Variants in SEC23A observed in about 807,000 individuals in gnomAD.
SEC23A encodes SEC23 homolog A, COPII component, also known as protein transport protein Sec23A.
SEC23A carries 56 observed loss-of-function variants against 103.7 expected under a neutral mutation model. That is an observed-to-expected ratio of 0.54 (90% CI 0.44 to 0.67). The LOEUF is 0.67. Among genes scored for constraint, SEC23A ranks in the 30% least tolerant of loss-of-function variants. The pLI is 0.00. For synonymous variants in SEC23A, 281 were observed against 293.0 expected (o/e 0.96, Z 0.42); for missense variants, 784 against 936.4 (o/e 0.84, Z 2.12).
At chr14:39,079,742 A>T (rs1051091736) in intron 7 of SEC23A, among the ~76,000 whole-genome samples, 1 of 152,104 alleles carries the variant, frequency 6.6e-6, no homozygotes, top group Non-Finnish European at 1.5e-5. Flanking sequence ...GAATTGCTTA[A>T]ACCCAGGAGG....
At chr14:39,070,144 G>A (rs139694961) in intron 9 of SEC23A, among the ~76,000 whole-genome samples, 236 of 152,352 alleles carry the variant, frequency 1.5e-3, no homozygotes, top group African/African-American at 5.3e-3. Context: ...AGAGCCCTGC[G>A]CTAGAAGATA....
intron 1 of SEC23A, among the ~76,000 whole-genome samples, chr14:39,099,076 T>A (rs1887991414): frequency 6.6e-6 from 1 of 151,834 alleles, no homozygotes; most frequent in Admixed American, 6.6e-5. Context: ...AACCTATCAC[T>A]TCATAGAAAA....
chr14:39,074,949 T>C (rs1886964590), intron 8 of SEC23A, among the ~76,000 whole-genome samples: 1 of 151,616 alleles, frequency 6.6e-6, no homozygotes, highest in Admixed American at 6.6e-5. Context: ...CTACTAAAAA[T>C]ATAAAAAATT....
rs905464578 is a variant in SEC23A at position 39,073,603 on chromosome 14, CTTTTTT to C, written c.1103+806_1103+811del. ...GCCACGGTGCCCGGCTCTGATTCCT[CTTTTTT>C]TTTTTTTTTTTTTTTTTTGAGACGG... On this transcript the variant is annotated intron_variant, in intron 9 of 19. Transcript: ENST00000307712. 1.9e-4 allele frequency among the ~76,000 whole-genome samples: 16 copies of C among 83,894 alleles called. 1 individual carries two copies. Among genetic ancestry groups the C allele is most frequent in the Non-Finnish European group, 2.7e-4 (12 of 44,058 alleles). The allele number at this position is 83,894 out of a possible 152,430, so 55.0% of individuals were successfully genotyped here. A position where few individuals can be genotyped will look rare whatever the true frequency, so the allele number is the denominator to read the frequency against.
intron 17 of SEC23A, chr14:39,041,409 CAAAAAAAAA>C (rs56911438): frequency 3.4e-4 from 5 of 14,638 alleles, no homozygotes; most frequent in Non-Finnish European, 6.2e-4. Context: ...AAAGAAAAAG[CAAAAAAAAA>C]AAAAAAAAAA....
At chr14:39,094,422 ATATATATATATATATATATATTTTTTTT>A (rs1435662226) in intron 2 of SEC23A, among the ~76,000 whole-genome samples, 1,342 of 63,496 alleles carry the variant, frequency 0.021, 319 homozygotes, top group African/African-American at 0.14. Flanking sequence ...ATATATATAT[ATATATATATATATATATATATTTTTTTT>A]TTTTTTTTTT....
rs986301123 is a variant in SEC23A, at chr14:39,035,666, T to C, written c.2209-2338A>G. On this transcript the variant is annotated intron_variant, in intron 19 of 19. Transcript: ENST00000307712. ...CTATATTACAAAAACTCTTAACTCCTAGCCACCTCCACAGATTTCCAATAT... is the reference window on the plus strand; with the variant it reads ...CTATATTACAAAAACTCTTAACTCCCAGCCACCTCCACAGATTTCCAATAT... Among the ~76,000 whole-genome samples, 100 of 152,328 alleles carry C rather than the reference T, an allele frequency of 6.6e-4. 1 individual carries two copies. Among genetic ancestry groups the C allele is most frequent in the Non-Finnish European group, 2.2e-4 (15 of 68,024 alleles).
chr14:39,091,751 T>A (rs1262635252), intron 4 of SEC23A, 38 bp from the exon 5 acceptor site: 4 of 1,363,782 alleles, frequency 2.9e-6, no homozygotes, highest in Non-Finnish European at 4.2e-6. Flanking sequence ...AATATGTAGT[T>A]TAAAGCACAG....
At chr14:39,086,434 T>C (rs1299773509) in intron 6 of SEC23A, among the ~76,000 whole-genome samples, 1 of 151,934 alleles carries the variant, frequency 6.6e-6, no homozygotes, top group African/African-American at 2.4e-5. Flanking sequence ...GTCAGGAGAT[T>C]GGGATGGTGA....
chr14:39,033,222 TTAAC>T lies in SEC23A; in HGVS notation c.*13_*16del. On this transcript the variant is annotated 3_prime_UTR_variant, in exon 20 of 20. Transcript: ENST00000307712. ...TATTATTTCATCTTCTTAAGTGTCT[TTAAC>T]ATTATTAGCACTTCAAGCAGCACTG... 2 of 1,562,900 alleles carry T rather than the reference TTAAC, an allele frequency of 1.3e-6. No homozygotes were observed. The highest frequency in any genetic ancestry group is 1.8e-6 in the Non-Finnish European group (2 of 1,133,472).
chr14:39,085,774 T>C lies in SEC23A; in HGVS notation c.816A>G (p.Val272=), dbSNP rs927532030. 1.2e-6 allele frequency: 2 copies of C among 1,610,470 alleles called. No homozygotes were observed. Among genetic ancestry groups the C allele is most frequent in the Non-Finnish European group, 1.7e-6 (2 of 1,178,498 alleles). Reference sequence around the variant, plus strand: ...CCATCTTCCCTACCTCCAGCAGTCCTACAGCTATGGAAAGTGCCACCCCAG... The same window carrying C: ...CCATCTTCCCTACCTCCAGCAGTCCCACAGCTATGGAAAGTGCCACCCCAG... ...RSSGVALSIA[V]GLLECTFPNT... Residue 272 remains valine, a synonymous_variant, in exon 7 of 20, where the codon GTA becomes GTG. Coordinates refer to ENST00000307712, the MANE Select transcript of SEC23A (RefSeq NM_006364.4).
At chr14:39,091,829 A>C in intron 4 of SEC23A, 116 bp from the exon 5 acceptor site, 1 of 745,518 alleles carries the variant, frequency 1.3e-6, no homozygotes, top group Non-Finnish European at 2.3e-6. Context: ...AAGCCATTTC[A>C]GAAATGAAAC....
chr14:39,100,956 G>A (rs1418699589), intron 1 of SEC23A, among the ~76,000 whole-genome samples: 2 of 151,402 alleles, frequency 1.3e-5, no homozygotes, highest in East Asian at 2.0e-4. Flanking sequence ...CGATTCTCCC[G>A]CCTCAGCCTC....
At chr14:39,050,758 G>C (rs542740024) in intron 14 of SEC23A, among the ~76,000 whole-genome samples, 70 of 152,042 alleles carry the variant, frequency 4.6e-4, no homozygotes, top group Non-Finnish European at 8.5e-4. Context: ...TTCAAGTCCA[G>C]CCTGGGTAAG....
intron 7 of SEC23A, among the ~76,000 whole-genome samples, chr14:39,082,915 G>A (rs1887276949): frequency 6.6e-6 from 1 of 152,234 alleles, no homozygotes; most frequent in Non-Finnish European, 1.5e-5. Context: ...CCAGGATGAA[G>A]GAGGGTAAAT....
chr14:39,090,329 T>C (rs145670627), intron 5 of SEC23A, among the ~76,000 whole-genome samples: 3 of 152,264 alleles, frequency 2.0e-5, no homozygotes, highest in Non-Finnish European at 2.9e-5. Flanking sequence ...ATTATATATA[T>C]AAGGTATATA....
At chr14:39,071,390 A>C (rs1886835056) in intron 9 of SEC23A, among the ~76,000 whole-genome samples, 2 of 152,148 alleles carry the variant, frequency 1.3e-5, no homozygotes, top group African/African-American at 4.8e-5. Context: ...AACTTGAAAT[A>C]AATATGAAAA....
chr14:39,050,480 A>G lies in SEC23A; in HGVS notation c.1660-1751T>C, dbSNP rs1238234336. On this transcript the variant is annotated intron_variant, in intron 14 of 19. Transcript: ENST00000307712. ...GCAAGAGAAAACCTGGCTTGCAGGGAAAGTCCCAATAGTCTTAAGACAGAA... is the reference window on the plus strand; with the variant it reads ...GCAAGAGAAAACCTGGCTTGCAGGGGAAGTCCCAATAGTCTTAAGACAGAA... Among the ~76,000 whole-genome samples the G allele has an allele frequency of 1.3e-5, 2 of 152,218 alleles. 1 individual carries two copies. The highest frequency in any genetic ancestry group is 2.9e-5 in the Non-Finnish European group (2 of 68,042).
chr14:39,100,359 A>G (rs1006623487), intron 1 of SEC23A, among the ~76,000 whole-genome samples: 1 of 152,088 alleles, frequency 6.6e-6, no homozygotes, highest in African/African-American at 2.4e-5. Flanking sequence ...TGCCAGGCTT[A>G]GTCCCATGTC....
Sources: allele counts gnomAD v4.1 joint callset (sites outside exome capture counted in the v4.1 genomes callset), GRCh38; gene constraint gnomAD v4.1.1; transcripts MANE v1.5; gene names NCBI Gene and HGNC (gene_info 2026-07-23, HGNC 2026-07-21).